The following EDEM3 variants were observed in gnomAD, a reference collection of about 807,000 sequenced individuals.
The protein encoded by EDEM3 is ER degradation enhancing alpha-mannosidase like protein 3, also known as ER degradation-enhancing alpha-mannosidase-like protein 3.
In EDEM3, 60 loss-of-function variants were observed where a neutral mutation model predicts 110.2. That is an observed-to-expected ratio of 0.54 (90% CI 0.44 to 0.67). The LOEUF (loss-of-function observed/expected upper bound fraction) is 0.67. Ranked by LOEUF, EDEM3 falls within the 30% of genes least tolerant of loss-of-function variation. The pLI is 0.00. For missense variants in EDEM3, 996 were observed against 1,121.0 expected (o/e 0.89, Z 1.59); for synonymous variants, 352 against 382.9 (o/e 0.92, Z 0.94).
intron 6 of EDEM3, 31 bp downstream of exon 6, chr1:184,732,806 A>G (rs1651599541): frequency 6.2e-7 from 1 of 1,603,184 alleles, no homozygotes; most frequent in African/African-American, 1.3e-5. Context: ...AAGAAAGTAT[A>G]TAAAGACTCA....
chr1:184,696,799 A>T (rs1649354248), intron 19 of EDEM3, among the ~76,000 whole-genome samples: 1 of 152,000 alleles, frequency 6.6e-6, no homozygotes, highest in African/African-American at 2.4e-5. Context: ...TCTAGATTGT[A>T]TTATTCCAGA....
intron 11 of EDEM3, among the ~76,000 whole-genome samples, chr1:184,718,852 G>A (rs1650700827): frequency 6.6e-6 from 1 of 152,010 alleles, no homozygotes; most frequent in Non-Finnish European, 1.5e-5. Flanking sequence ...TAGAATGAGA[G>A]AATATTACAA....
At chr1:184,743,713 C>T (rs945778346) in intron 2 of EDEM3, among the ~76,000 whole-genome samples, 1 of 152,082 alleles carries the variant, frequency 6.6e-6, no homozygotes, top group African/African-American at 2.4e-5. Flanking sequence ...ATAATCAGGA[C>T]AATGTGATAT....
At chr1:184,711,663 T>A (rs1650239247) in intron 15 of EDEM3, 60 bp downstream of exon 15, 1 of 1,462,362 alleles carries the variant, frequency 6.8e-7, no homozygotes, top group Non-Finnish European at 9.1e-7. Flanking sequence ...CTCCCTAAGT[T>A]CTCTGTCATT....
chr1:184,696,777 T>TC (rs1047930381), intron 19 of EDEM3, among the ~76,000 whole-genome samples: 13 of 152,088 alleles, frequency 8.5e-5, no homozygotes, highest in African/African-American at 3.1e-4. Context: ...AAGAAAAATC[T>TC]CCAAGTTTCT....
Position 184,710,417 on chromosome 1 carries a change from G to A in EDEM3, c.1822C>T (p.Gln608Ter), listed in dbSNP as rs1205192399. 2 of 1,613,822 alleles carry A rather than the reference G, an allele frequency of 1.2e-6. No individual in the cohort carries two copies. Among genetic ancestry groups the A allele is most frequent in the Non-Finnish European group, 1.7e-6 (2 of 1,179,874 alleles). ...ACTTGGATTGCATGTTGGACCAACTGGACTCTCCCATCTTTGAGGTGAATC... is the reference window on the plus strand; with the variant it reads ...ACTTGGATTGCATGTTGGACCAACTAGACTCTCCCATCTTTGAGGTGAATC... ...SLIHLKDGRV[Q>*]LVQHAIQAAS... Residue 608 changes from glutamine to a stop codon, truncating the protein, a stop_gained, in exon 16 of 20, where the codon CAG becomes TAG. Coordinates refer to ENST00000318130, the MANE Select transcript of EDEM3 (RefSeq NM_025191.4). LOFTEE classifies it high-confidence loss of function.
At chr1:184,709,218 A>G (rs752145672) in intron 16 of EDEM3, among the ~76,000 whole-genome samples, 4 of 152,180 alleles carry the variant, frequency 2.6e-5, no homozygotes, top group Non-Finnish European at 4.4e-5. Flanking sequence ...CAAGAAAGAG[A>G]TAATTCAAGT....
chr1:184,720,516 T>A (rs1162810322), intron 9 of EDEM3: 1 of 148,154 alleles, frequency 6.7e-6, no homozygotes. Context: ...ATACTTTTTT[T>A]TTTTTTTTTT....
intron 2 of EDEM3, among the ~76,000 whole-genome samples, chr1:184,740,597 C>T (rs115864462): frequency 1.4e-3 from 208 of 152,228 alleles, no homozygotes; most frequent in African/African-American, 4.8e-3. Context: ...GCCTCCTAGT[C>T]GCCCCGTGAT....
At chr1:184,708,034 T>C in intron 17 of EDEM3, 119 bp downstream of exon 17, 1 of 913,222 alleles carries the variant, frequency 1.1e-6, no homozygotes, top group East Asian at 3.0e-5. Flanking sequence ...ATCCAGGAGA[T>C]TGACTATTTC....
At position 184,712,571 on chromosome 1, in the gene EDEM3, C is replaced by T; in HGVS notation, c.1398G>A (p.Met466Ile). ...DRMDSFFLAE[M>I]FKYLYLLFAD... ...CAAATAACAGGTAAAGATATTTAAA[C>T]ATTTCAGCCAAGAAGAAAGAATCCA... Residue 466 changes from methionine (M) to isoleucine (I), a missense_variant, in exon 14 of 20, where the codon ATG becomes ATA. By Grantham distance (10) the Met-to-Ile change is conservative. Transcript: ENST00000318130. The T allele has an allele frequency of 6.5e-7, 1 of 1,549,228 alleles. No homozygotes were observed. The highest frequency in any genetic ancestry group is 8.7e-7 in the Non-Finnish European group (1 of 1,144,044).
rs111917956 is a variant in EDEM3 at position 184,719,103 on chromosome 1, C to CGT, written c.1161+57_1161+58dup. On this transcript the variant is annotated intron_variant, in intron 11 of 19. Coordinates refer to ENST00000318130, the MANE Select transcript of EDEM3 (RefSeq NM_025191.4). ...TAGCAACTTATAGTGTATATGTGTA[C>CGT]GTGTGTGTGTGTGTGTGTTTGTGTG... The CGT allele has an allele frequency of 2.5e-3, 2,144 of 856,630 alleles. 2 individuals carry two copies. The highest frequency in any genetic ancestry group is 8.1e-3 in the East Asian group (301 of 37,068). The allele number at this position is 856,630 out of a possible 1,614,324, so 53.1% of individuals were successfully genotyped here.
chr1:184,718,817 C>A (rs1449691436), intron 11 of EDEM3, among the ~76,000 whole-genome samples: 1 of 151,986 alleles, frequency 6.6e-6, no homozygotes, highest in Non-Finnish European at 1.5e-5. Flanking sequence ...CAAAATCTCC[C>A]TAGCTGGTAG....
At chr1:184,723,684 A>C in intron 8 of EDEM3, 67 bp downstream of exon 8, 2 of 1,191,522 alleles carry the variant, frequency 1.7e-6, no homozygotes, top group Non-Finnish European at 2.4e-6. Flanking sequence ...TTAACAAATG[A>C]AAATTCTTTA....
At chr1:184,728,365 C>G (rs1249246550) in intron 6 of EDEM3, among the ~76,000 whole-genome samples, 2 of 152,078 alleles carry the variant, frequency 1.3e-5, no homozygotes, top group Non-Finnish European at 1.5e-5. Flanking sequence ...AAAGCAAAAG[C>G]AAAATAGAAA....
At chr1:184,734,768 T>G in intron 4 of EDEM3, 125 bp from the exon 5 acceptor site, 1 of 337,550 alleles carries the variant, frequency 3.0e-6, no homozygotes, top group South Asian at 9.8e-5. Flanking sequence ...AAATAATATT[T>G]CTAAGTATAT....
In EDEM3 at chr1:184,695,673, C is replaced by T. The variant is rs140181162; in HGVS notation, c.2390-1201G>A. On this transcript the variant is annotated intron_variant, in intron 19 of 19. Transcript: ENST00000318130. Reference sequence around the variant, plus strand: ...ATTTCCTATCCACAGTTGGTTGAATCCATGGGTGCAGAACCCACAGATACA... The same window carrying T: ...ATTTCCTATCCACAGTTGGTTGAATTCATGGGTGCAGAACCCACAGATACA... Among the ~76,000 whole-genome samples the T allele has an allele frequency of 9.2e-4, 140 of 152,004 alleles. 2 individuals carry two copies. The East Asian group carries it at 0.024, about 26-fold the overall frequency.
At position 184,690,411 on chromosome 1, in the gene EDEM3, T is replaced by TAAAAAAA. The variant is rs71555442; in HGVS notation, c.*3645_*3651dup. The TAAAAAAA allele has an allele frequency of 6.7e-6, 1 of 149,036 alleles. No homozygotes were observed. 9.2% of individuals were successfully genotyped at this position (149,036 alleles called of 1,614,324 possible). ...CAATCCCCGGAGGATAAAATGAGTT[T>TAAAAAAA]AAAAAAAAAAGGAAAACAGAGTGAT... On this transcript the variant is annotated 3_prime_UTR_variant, in exon 20 of 20. Coordinates refer to ENST00000318130, the MANE Select transcript of EDEM3 (RefSeq NM_025191.4).
Position 184,693,925 on chromosome 1 carries a change from T to G in EDEM3, c.*138A>C, listed in dbSNP as rs115591459. ...GCATGCTCCAGATTCCTACGATAAC[T>G]ACGCCAGTCAGAACGTGGTTGTTCA... On this transcript the variant is annotated 3_prime_UTR_variant, in exon 20 of 20. Transcript: ENST00000318130. The G allele has an allele frequency of 3.4e-3, 2,870 of 837,522 alleles. 27 individuals are homozygous for G. Among genetic ancestry groups the G allele is most frequent in the East Asian group, 0.026 (1,005 of 38,848 alleles). The allele number at this position is 837,522 out of a possible 1,614,324, so 51.9% of individuals were successfully genotyped here. A position where few individuals can be genotyped will look rare whatever the true frequency, so the allele number is the denominator to read the frequency against.
Sources: gnomAD v4.1 joint callset for allele counts (sites outside exome capture counted in the v4.1 genomes callset) on GRCh38, gnomAD v4.1.1 for gene constraint, MANE v1.5 for transcripts, NCBI Gene and HGNC (gene_info 2026-07-23, HGNC 2026-07-21) for gene names.